The following CDC7 variants were observed in gnomAD, a reference collection of about 807,000 sequenced individuals.
CDC7 encodes the protein cell division cycle 7.
Under a neutral mutation model 53.5 loss-of-function variants are expected in CDC7, and 34 were observed. The ratio of observed to expected loss-of-function variants is 0.64; its 90% CI spans 0.48 to 0.85. The LOEUF is 0.85. Ranked by LOEUF, CDC7 falls within the 40% of genes least tolerant of loss-of-function variation. The pLI is 0.00. For synonymous variants in CDC7, 211 were observed against 222.8 expected (o/e 0.95, Z 0.47); for missense variants, 594 against 679.7 (o/e 0.87, Z 1.40).
At chr1:91,514,590 C>G (rs539312668) in intron 8 of CDC7, among the ~76,000 whole-genome samples, 9 of 152,150 alleles carry the variant, frequency 5.9e-5, no homozygotes, top group African/African-American at 2.2e-4. Context: ...AAGTATAACT[C>G]AAATATTGGC....
At chr1:91,514,608 G>C (rs1316761583) in intron 8 of CDC7, among the ~76,000 whole-genome samples, 1 of 152,044 alleles carries the variant, frequency 6.6e-6, no homozygotes, top group Non-Finnish European at 1.5e-5. Context: ...GGCCAAGCTA[G>C]GACTAATTAG....
Position 91,520,177 on chromosome 1 carries a change from G to A in CDC7, c.1228G>A (p.Gly410Arg). ...TGTCATATTTCTTTCTTTGCTTAGT[G>A]GACGATATCCATTTTATAAAGCAAG... is the stretch of plus-strand genomic sequence containing the variant. ...AGVIFLSLLS[G>R]RYPFYKASDD... The change falls in exon 11 of 12, where the codon GGA becomes AGA. Residue 410 changes from glycine to arginine, a missense_variant. Transcript: ENST00000234626. 1 of 1,608,934 alleles carries A rather than the reference G, an allele frequency of 6.2e-7. No homozygotes were observed. Among genetic ancestry groups the A allele is most frequent in the Non-Finnish European group, 8.5e-7 (1 of 1,177,410 alleles).
chr1:91,504,370 A>G (rs573237612), intron 2 of CDC7, among the ~76,000 whole-genome samples: 4 of 152,252 alleles, frequency 2.6e-5, no homozygotes, highest in African/African-American at 9.6e-5. Context: ...TGGCCTCCCA[A>G]TGCACTGGGA....
At chr1:91,502,262 T>A (rs1666728810) in intron 2 of CDC7, among the ~76,000 whole-genome samples, 1 of 152,212 alleles carries the variant, frequency 6.6e-6, no homozygotes, top group Non-Finnish European at 1.5e-5. Context: ...CATATCTCAG[T>A]GTACAGCATG....
intron 8 of CDC7, 79 bp from the exon 9 acceptor site, chr1:91,514,740 T>C (rs1667467428): frequency 9.1e-7 from 1 of 1,100,868 alleles, no homozygotes; most frequent in South Asian, 1.8e-5. Context: ...GCTTCCGCTA[T>C]TGCTTTTTGC....
chr1:91,509,835 C>T (rs1667182455), intron 4 of CDC7, among the ~76,000 whole-genome samples: 1 of 152,102 alleles, frequency 6.6e-6, no homozygotes, highest in Non-Finnish European at 1.5e-5. Context: ...TCAAATTTGT[C>T]TCAAGAGCTT....
At chr1:91,504,268 GCTAAT>G (rs1666864095) in intron 2 of CDC7, among the ~76,000 whole-genome samples, 1 of 152,038 alleles carries the variant, frequency 6.6e-6, no homozygotes, top group Non-Finnish European at 1.5e-5. Context: ...GCTACACTCA[GCTAAT>G]TTTAAATATT....
chr1:91,515,859 G>GC lies in CDC7; in HGVS notation c.1167dup (p.Asn390GlnfsTer7), dbSNP rs946080137. ...AGAGCACCAGAGGTCTTGACAAAGTGCCCCAATCAAACTACAGGTATGTTG... is the reference window on the plus strand; with the variant it reads ...AGAGCACCAGAGGTCTTGACAAAGTGCCCCCAATCAAACTACAGGTATGTTG... On this transcript the variant is annotated frameshift_variant, in exon 10 of 12. Transcript: ENST00000234626. LOFTEE classifies it high-confidence loss of function. 11 of 1,613,424 alleles carry GC rather than the reference G, an allele frequency of 6.8e-6. No individual in the cohort carries two copies. The highest frequency in any genetic ancestry group is 9.3e-6 in the Non-Finnish European group (11 of 1,179,652).
intron 11 of CDC7, among the ~76,000 whole-genome samples, chr1:91,522,550 A>C (rs1202910768): frequency 6.6e-6 from 1 of 152,206 alleles, no homozygotes; most frequent in East Asian, 1.9e-4. Context: ...GAATATTGTA[A>C]ATGAACCCTC....
chr1:91,516,509 TTGC>T (rs1454137027), intron 10 of CDC7, among the ~76,000 whole-genome samples: 5 of 152,208 alleles, frequency 3.3e-5, no homozygotes. Context: ...CTGTTCTTGC[TTGC>T]TAATGATAAC....
At position 91,500,932 on chromosome 1, in the gene CDC7, T is replaced by A. The variant is rs1666621494; in HGVS notation, c.-80T>A. 1 of 152,200 alleles carries A rather than the reference T, an allele frequency of 6.6e-6. No individual in the cohort carries two copies. Among genetic ancestry groups the A allele is most frequent in the South Asian group, 2.1e-4 (1 of 4,834 alleles). 9.4% of individuals were successfully genotyped at this position (152,200 alleles called of 1,614,324 possible). On this transcript the variant is annotated 5_prime_UTR_variant, in exon 1 of 12. Transcript: ENST00000234626. ...CCAGGCATCTGGGGAGCCACAGAAG[T>A]CGTACTCCCTTAAACCGTGAGTTTC...
intron 9 of CDC7, 80 bp downstream of exon 9, chr1:91,515,077 G>A: frequency 8.3e-7 from 1 of 1,209,178 alleles, no homozygotes; most frequent in Admixed American, 1.9e-5. Context: ...ATAATTTTGT[G>A]AGTGCAAGGG....
chr1:91,513,856 C>A, intron 7 of CDC7, 92 bp from the exon 8 acceptor site: 1 of 867,822 alleles, frequency 1.2e-6, no homozygotes, highest in Non-Finnish European at 1.9e-6. Context: ...TGTTTCATCT[C>A]ACTTAACTCT....
At chr1:91,523,297 C>T (rs1165522756) in intron 11 of CDC7, among the ~76,000 whole-genome samples, 6 of 151,996 alleles carry the variant, frequency 3.9e-5, no homozygotes, top group African/African-American at 1.5e-4. Flanking sequence ...ATAGGTTGGT[C>T]AAGAACAGCA....
At position 91,511,670 on chromosome 1, in the gene CDC7, C is replaced by G; in HGVS notation, c.409C>G (p.Leu137Val). The G allele has an allele frequency of 1.9e-6, 3 of 1,609,544 alleles. No homozygotes were observed. Among genetic ancestry groups the G allele is most frequent in the Non-Finnish European group, 2.5e-6 (3 of 1,176,610 alleles). The change falls in exon 5 of 12, where the codon CTG becomes GTG. Residue 137 changes from leucine (L) to valine (V), a missense_variant. By Grantham distance (32) the Leu-to-Val change is conservative (BLOSUM62 1). Coordinates refer to ENST00000234626, the MANE Select transcript of CDC7 (RefSeq NM_003503.4). ...NDHVVIAMPY[L>V]EHESFLDILN... ...TCATGTAGTTATTGCTATGCCATATCTGGAGCATGAGTCGTTTTTGGTAGG... is the reference window on the plus strand; with the variant it reads ...TCATGTAGTTATTGCTATGCCATATGTGGAGCATGAGTCGTTTTTGGTAGG...
intron 2 of CDC7, among the ~76,000 whole-genome samples, chr1:91,506,763 A>C (rs1667013097): frequency 6.6e-6 from 1 of 152,116 alleles, no homozygotes; most frequent in Non-Finnish European, 1.5e-5. Context: ...CAGCCTGGCC[A>C]TTGTGGTGAA....
At chr1:91,502,252 C>T (rs1411101409) in intron 2 of CDC7, among the ~76,000 whole-genome samples, 1 of 152,102 alleles carries the variant, frequency 6.6e-6, no homozygotes, top group African/African-American at 2.4e-5. Flanking sequence ...AATAAAGCAC[C>T]ATATCTCAGT....
rs184694397 is a variant in CDC7 at position 91,506,891 on chromosome 1, A to G, written c.116-963A>G. On this transcript the variant is annotated intron_variant, in intron 2 of 11. Transcript: ENST00000234626. ...CTTGAACGCAGGAGGCAGAGGTTGC[A>G]GTGAGTGGAGATTACATCACTGCAC... Among the ~76,000 whole-genome samples the G allele has an allele frequency of 9.1e-4, 138 of 152,308 alleles. 2 individuals are homozygous for G. Among genetic ancestry groups the G allele is most frequent in the African/African-American group, 3.2e-3 (131 of 41,570 alleles).
Position 91,508,364 on chromosome 1 carries a change from T to C in CDC7, c.302T>C (p.Ile101Thr), listed in dbSNP as rs1439660951. Residue 101 changes from isoleucine to threonine, a missense_variant, in exon 4 of 12, where the codon ATT becomes ACT. Physicochemically the swap from Ile to Thr is moderately conservative, Grantham distance 89 (BLOSUM62 -1). Coordinates refer to ENST00000234626, the MANE Select transcript of CDC7 (RefSeq NM_003503.4). ...HLIPTSHPIR[I>T]AAELQCLTVA... ...ATTCCAACAAGTCATCCTATAAGAA[T>C]TGCAGCTGAACTTCAGTGCCTAACA... is the stretch of plus-strand genomic sequence containing the variant. The C allele has an allele frequency of 5.0e-6, 8 of 1,612,508 alleles. No homozygotes were observed. Among genetic ancestry groups the C allele is most frequent in the Admixed American group, 1.7e-5 (1 of 59,858 alleles).
Sources: allele counts gnomAD v4.1 joint callset (sites outside exome capture counted in the v4.1 genomes callset), GRCh38; gene constraint gnomAD v4.1.1; transcripts MANE v1.5; gene names NCBI Gene and HGNC (gene_info 2026-07-23, HGNC 2026-07-21).